TSPAN19: variants seen among roughly 807,000 people sequenced by gnomAD.
The protein encoded by TSPAN19 is tetraspanin-19.
Under a neutral mutation model 35.1 loss-of-function variants are expected in TSPAN19, and 44 were observed. That is an observed-to-expected ratio of 1.25 (90% CI 0.98 to 1.61). TSPAN19 has a LOEUF of 1.61. Ranked by LOEUF, TSPAN19 falls within the 40% of genes most tolerant of loss-of-function variation. The pLI is 0.00. For synonymous variants in TSPAN19, 79 were observed against 92.0 expected (o/e 0.86, Z 0.81); for missense variants, 290 against 280.0 (o/e 1.04, Z -0.26).
At chr12:85,034,426 T>C (rs542100483) in intron 1 of TSPAN19, among the ~76,000 whole-genome samples, 1 of 152,316 alleles carries the variant, frequency 6.6e-6, no homozygotes, top group African/African-American at 2.4e-5. Flanking sequence ...TCTTTCATTC[T>C]CTCAATAAAT....
At chr12:85,014,594 C>T (rs369007644) in intron 8 of TSPAN19, 39 bp from the exon 9 acceptor site, 6 of 1,455,478 alleles carry the variant, frequency 4.1e-6, no homozygotes, top group Admixed American at 1.9e-5. Context: ...AAAATTTAAT[C>T]AATGATAAGA....
At chr12:85,034,054 C>T (rs1302158800) in intron 1 of TSPAN19, among the ~76,000 whole-genome samples, 1 of 151,970 alleles carries the variant, frequency 6.6e-6, no homozygotes, top group Non-Finnish European at 1.5e-5. Flanking sequence ...AGTGGTTGGT[C>T]ATGACAGCAG....
In TSPAN19 at chr12:85,014,410, C is replaced by A. The variant is rs1216011590; in HGVS notation, c.*77G>T. ...ATCTGTTATTTAATACAATTCAAAA[C>A]GTTTTTGGAATAAAATAATATAATG... On this transcript the variant is annotated 3_prime_UTR_variant, in exon 9 of 9. Transcript: ENST00000532498. The A allele has an allele frequency of 9.6e-7, 1 of 1,044,262 alleles. No individual in the cohort carries two copies. The highest frequency in any genetic ancestry group is 1.4e-6 in the Non-Finnish European group (1 of 715,134). 64.7% of individuals were successfully genotyped at this position (1,044,262 alleles called of 1,614,324 possible).
intron 3 of TSPAN19, among the ~76,000 whole-genome samples, chr12:85,029,015 T>C (rs1877557663): frequency 6.6e-6 from 1 of 152,148 alleles, no homozygotes; most frequent in Admixed American, 6.6e-5. Context: ...ACAGGGTGTG[T>C]AAGAAACTCA....
In TSPAN19 at chr12:85,019,318, G is replaced by C. The variant is rs960410631; in HGVS notation, c.450+308C>G. Reference sequence around the variant, plus strand: ...CACAATGCTGCCAGCAGAGACTACTGCTTAAACTTATCTCCCATCAGGTGC... The same window carrying C: ...CACAATGCTGCCAGCAGAGACTACTCCTTAAACTTATCTCCCATCAGGTGC... On this transcript the variant is annotated intron_variant, in intron 6 of 8. Coordinates refer to ENST00000532498, the MANE Select transcript of TSPAN19 (RefSeq NM_001100917.2). 2.6e-5 allele frequency among the ~76,000 whole-genome samples: 4 copies of C among 151,850 alleles called. No homozygotes were observed. The Admixed American group carries it at 2.6e-4, about 10-fold the overall frequency.
Position 85,023,420 on chromosome 12 carries a change from G to T in TSPAN19, c.265-20C>A. On this transcript the variant is annotated intron_variant, in intron 4 of 8. Transcript: ENST00000532498. ...TGCATACTAAAACAAAAGAAAAATA[G>T]AGATGATGACTATGCTACTAATATA... is the stretch of plus-strand genomic sequence containing the variant. The T allele has an allele frequency of 6.5e-7, 1 of 1,539,276 alleles. No individual in the cohort carries two copies. Among genetic ancestry groups the T allele is most frequent in the South Asian group, 1.2e-5 (1 of 83,704 alleles).
intron 1 of TSPAN19, among the ~76,000 whole-genome samples, chr12:85,031,558 T>A (rs1038338574): frequency 3.9e-5 from 6 of 152,120 alleles, no homozygotes; most frequent in African/African-American, 1.2e-4. Flanking sequence ...AGGGTCAAGC[T>A]GCAATACTTT....
chr12:85,034,064 G>T (rs1277298242), intron 1 of TSPAN19, among the ~76,000 whole-genome samples: 2 of 152,056 alleles, frequency 1.3e-5, no homozygotes, highest in African/African-American at 4.8e-5. Flanking sequence ...CATGACAGCA[G>T]CTGGGAGGGA....
chr12:85,028,854 A>G (rs1326575548), intron 3 of TSPAN19, among the ~76,000 whole-genome samples: 1 of 152,186 alleles, frequency 6.6e-6, no homozygotes, highest in East Asian at 1.9e-4. Context: ...CCGGCATACT[A>G]CTGGGAACAG....
intron 1 of TSPAN19, among the ~76,000 whole-genome samples, chr12:85,032,575 C>A (rs1158804041): frequency 6.6e-6 from 1 of 152,004 alleles, no homozygotes; most frequent in Non-Finnish European, 1.5e-5. Context: ...TAAAACACAA[C>A]AAACTGTGCA....
At chr12:85,019,982 A>T (rs1877035382) in intron 5 of TSPAN19, among the ~76,000 whole-genome samples, 1 of 151,994 alleles carries the variant, frequency 6.6e-6, no homozygotes, top group South Asian at 2.1e-4. Flanking sequence ...GGAAGAAGTA[A>T]TGTGCTATTC....
chr12:85,018,479 G>A lies in TSPAN19; in HGVS notation c.451-880C>T, dbSNP rs148967345. On this transcript the variant is annotated intron_variant, in intron 6 of 8. Coordinates refer to ENST00000532498, the MANE Select transcript of TSPAN19 (RefSeq NM_001100917.2). ...GGAATTTCACTAATAGTAGTGATAT[G>A]ATAGACAGAATTGTTTCCTCATCAT... is the stretch of plus-strand genomic sequence containing the variant. Among the ~76,000 whole-genome samples, 536 of 151,914 alleles carry A rather than the reference G, an allele frequency of 3.5e-3. 2 individuals are homozygous for A. The highest frequency in any genetic ancestry group is 6.8e-3 in the Middle Eastern group (2 of 294).
rs915742234 is a variant in TSPAN19, at chr12:85,014,501, G to A, written c.733C>T (p.His245Tyr). ...CFFKNIKNII[H>Y]AEM The stretch of plus-strand genomic sequence containing the variant: ...AAATCCAAAGGTCACATTTCTGCAT[G>A]GATTATATTCTTGATGTTTTTGAAG... The change falls in exon 9 of 9, where the codon CAT (histidine) becomes TAT (tyrosine). Residue 245 changes from histidine to tyrosine, a missense_variant. His to Tyr is a moderately conservative substitution (Grantham distance 83). Coordinates refer to ENST00000532498, the MANE Select transcript of TSPAN19 (RefSeq NM_001100917.2). 2 of 1,600,696 alleles carry A rather than the reference G, an allele frequency of 1.2e-6. No homozygotes were observed. The highest frequency in any genetic ancestry group is 1.7e-6 in the Non-Finnish European group (2 of 1,172,888).
chr12:85,027,845 T>TA, intron 4 of TSPAN19, 54 bp downstream of exon 4: 1 of 1,493,038 alleles, frequency 6.7e-7, no homozygotes, highest in Admixed American at 2.2e-5. Flanking sequence ...TTGTGTAACT[T>TA]AGATACTTAA....
intron 7 of TSPAN19, 71 bp from the exon 8 acceptor site, chr12:85,016,042 T>G: frequency 1.0e-6 from 1 of 1,000,140 alleles, no homozygotes; most frequent in South Asian, 1.7e-5. Flanking sequence ...TTACAAAAAA[T>G]AAAAGGTAAA....
At chr12:85,021,858 A>G (rs965255096) in intron 5 of TSPAN19, among the ~76,000 whole-genome samples, 1 of 152,032 alleles carries the variant, frequency 6.6e-6, no homozygotes, top group Non-Finnish European at 1.5e-5. Flanking sequence ...TCTCATCTCA[A>G]AGCCTCAGTT....
chr12:85,035,939 T>A lies in TSPAN19; in HGVS notation c.-28+265A>T, dbSNP rs1432184666. Reference sequence around the variant, plus strand: ...CTTTTTTCCTTTTTCTTTTCTTTTCTTTTTTAAAAAACTGTTGTCATGGAA... The same window carrying A: ...CTTTTTTCCTTTTTCTTTTCTTTTCATTTTTAAAAAACTGTTGTCATGGAA... On this transcript the variant is annotated intron_variant, in intron 1 of 8. Coordinates refer to ENST00000532498, the MANE Select transcript of TSPAN19 (RefSeq NM_001100917.2). Among the ~76,000 whole-genome samples the A allele has an allele frequency of 2.6e-5, 4 of 152,224 alleles. No homozygotes were observed. In the South Asian group the frequency reaches 6.2e-4, roughly 24 times the overall value.
In TSPAN19 at chr12:85,029,767, A is replaced by G. The variant is rs1006991814; in HGVS notation, c.91T>C (p.Phe31Leu). The G allele has an allele frequency of 6.5e-7, 1 of 1,544,866 alleles. No individual in the cohort carries two copies. Among genetic ancestry groups the G allele is most frequent in the Non-Finnish European group, 8.7e-7 (1 of 1,145,480 alleles). ...FLVLGLLFMG[F>L]GAWLLLDRNN... The stretch of plus-strand genomic sequence containing the variant: ...CTATCTAATAAGAGCCATGCACCAA[A>G]TCCCATGAATAAAAGTCCAAGAACC... Residue 31 changes from phenylalanine (F) to leucine (L), a missense_variant, in exon 3 of 9, where the codon TTT becomes CTT. Phe to Leu is a conservative substitution (Grantham distance 22, BLOSUM62 0). Transcript: ENST00000532498.
intron 7 of TSPAN19, 137 bp downstream of exon 7, chr12:85,017,319 A>T: frequency 1.4e-6 from 1 of 720,816 alleles, no homozygotes; most frequent in Non-Finnish European, 2.3e-6. Flanking sequence ...TGTTCAACTT[A>T]GGGAAGTGGA....
Sources: gnomAD v4.1 joint callset for allele counts (sites outside exome capture counted in the v4.1 genomes callset) on GRCh38, gnomAD v4.1.1 for gene constraint, MANE v1.5 for transcripts, NCBI Gene and HGNC (gene_info 2026-07-23, HGNC 2026-07-21) for gene names.